Variants in UNC93A observed in about 807,000 individuals in gnomAD.
UNC93A encodes N-acetylglucosamine transporter UNC93A.
UNC93A carries 43 observed loss-of-function variants against 47.5 expected under a neutral mutation model. That is an observed-to-expected ratio of 0.91 (90% CI 0.71 to 1.17). UNC93A has a LOEUF of 1.17. UNC93A is among the 50% of genes most tolerant of loss of function. The pLI, the probability that UNC93A is intolerant of heterozygous loss-of-function variation, is 0.00. For synonymous variants in UNC93A, 280 were observed against 258.0 expected (o/e 1.09, Z -0.82); for missense variants, 605 against 577.6 (o/e 1.05, Z -0.49).
intron 7 of UNC93A, among the ~76,000 whole-genome samples, chr6:167,309,292 A>T (rs951121439): frequency 6.6e-6 from 1 of 152,192 alleles, no homozygotes; most frequent in Admixed American, 6.5e-5. Context: ...GTCACTAGGA[A>T]GAGAAGGAAG....
At chr6:167,311,956 AT>A (rs1293823924) in intron 7 of UNC93A, among the ~76,000 whole-genome samples, 6 of 149,114 alleles carry the variant, frequency 4.0e-5, no homozygotes, top group South Asian at 2.2e-4. Context: ...GACAGCCTTT[AT>A]TTGGGTTCCT....
intron 1 of UNC93A, among the ~76,000 whole-genome samples, chr6:167,285,975 TATATAC>T (rs1433639450): frequency 1.2e-4 from 18 of 149,312 alleles, no homozygotes; most frequent in African/African-American, 4.2e-4. Context: ...TATATATATA[TATATAC>T]ACACACACAC....
upstream of UNC93A, chr6:167,291,291 A>T: frequency 2.1e-6 from 1 of 472,258 alleles, no homozygotes; most frequent in Non-Finnish European, 3.7e-6. Context: ...CGTATGCTTC[A>T]TGGGGTCAGT....
At chr6:167,270,529 C>G (rs1223689427), upstream of UNC93A, among the ~76,000 whole-genome samples, 1 of 152,030 alleles carries the variant, frequency 6.6e-6, no homozygotes, top group East Asian at 1.9e-4. Flanking sequence ...CATGGACAGA[C>G]CTTCGGAGGA....
chr6:167,306,499 A>C (rs1368840350), intron 6 of UNC93A, among the ~76,000 whole-genome samples: 1 of 152,202 alleles, frequency 6.6e-6, no homozygotes, highest in Non-Finnish European at 1.5e-5. Flanking sequence ...CTCCCTAAAC[A>C]CACAGCACCT....
chr6:167,291,186 G>T (rs774896443), upstream of UNC93A: 23 of 230,342 alleles, frequency 1.0e-4, no homozygotes, highest in African/African-American at 3.6e-4. Context: ...GGAAAAAAGC[G>T]CAATTAACTA....
intron 1 of UNC93A, among the ~76,000 whole-genome samples, chr6:167,285,539 G>T (rs1783712092): frequency 6.6e-6 from 1 of 151,774 alleles, no homozygotes; most frequent in Non-Finnish European, 1.5e-5. Context: ...GGGGCTGGCG[G>T]GGATGAGAGT....
rs1310706771 is a variant in UNC93A, at chr6:167,285,975, T to TAC, written c.-51-5463_-51-5462insCA. Among the ~76,000 whole-genome samples the TAC allele has an allele frequency of 3.6e-4, 54 of 149,316 alleles. 2 individuals carry two copies. The South Asian group carries it at 0.01, about 29-fold the overall frequency. On this transcript the variant is annotated intron_variant, in intron 1 of 3. Transcript: ENST00000503433. ...CTCTCTCTCTCTATATATATATATA[T>TAC]ATATACACACACACACACAATGAGC...
At chr6:167,305,828 G>T (rs1288108966) in intron 5 of UNC93A, 87 bp from the exon 6 acceptor site, 1 of 1,586,364 alleles carries the variant, frequency 6.3e-7, no homozygotes, top group African/African-American at 1.3e-5. Flanking sequence ...TCTCAGAGCA[G>T]ATGTTCTAAG....
In UNC93A at chr6:167,280,251, C is replaced by T. The variant is rs372856960; in HGVS notation, c.-52+8793C>T. Among the ~76,000 whole-genome samples the T allele has an allele frequency of 4.1e-4, 62 of 152,256 alleles. No homozygotes were observed. The South Asian group carries it at 9.8e-3, about 24-fold the overall frequency. The stretch of plus-strand genomic sequence containing the variant: ...TGGCTCCTACCCCCTGCAGGCTCCC[C>T]GTGAGCTCAGATGGTGCCTTCAAAT... On this transcript the variant is annotated intron_variant, in intron 1 of 3. Transcript: ENST00000503433.
At chr6:167,297,476 A>G (rs559455703) in intron 3 of UNC93A, among the ~76,000 whole-genome samples, 1 of 152,310 alleles carries the variant, frequency 6.6e-6, no homozygotes, top group African/African-American at 2.4e-5. Flanking sequence ...TTTTTCTAAG[A>G]GATCACAGAA....
At chr6:167,303,552 A>T (rs1317983341) in intron 4 of UNC93A, among the ~76,000 whole-genome samples, 1 of 152,176 alleles carries the variant, frequency 6.6e-6, no homozygotes. Context: ...ATCAATAAAA[A>T]GCTGTCTCCT....
chr6:167,303,141 G>A (rs570113568), intron 4 of UNC93A, among the ~76,000 whole-genome samples: 5 of 152,316 alleles, frequency 3.3e-5, no homozygotes, highest in East Asian at 3.9e-4. Flanking sequence ...GTAAAAGGGT[G>A]TGCGGTGGGG....
Position 167,283,572 on chromosome 6 carries a change from GTACATCTGCAAAACTGATTTC to G in UNC93A, c.-51-7865_-51-7845del, listed in dbSNP as rs1431120108. On this transcript the variant is annotated intron_variant, in intron 1 of 3. Transcript: ENST00000503433. ...GTGGCAGGGAAAGAGGTGGGTGCAG[GTACATCTGCAAAACTGATTTC>G]TGCGCTTGTCCTACCTCTAAAACAT... 2.0e-5 allele frequency among the ~76,000 whole-genome samples: 3 copies of G among 152,048 alleles called. No homozygotes were observed. In the East Asian group the frequency reaches 5.8e-4, roughly 29 times the overall value.
intron 4 of UNC93A, among the ~76,000 whole-genome samples, chr6:167,301,595 A>T (rs747327816): frequency 4.6e-5 from 7 of 152,174 alleles, no homozygotes; most frequent in African/African-American, 1.2e-4. Context: ...CATGCCCCAC[A>T]GAAGGCTCTG....
chr6:167,275,228 C>T (rs1363855459), intron 1 of UNC93A, among the ~76,000 whole-genome samples: 2 of 152,216 alleles, frequency 1.3e-5, no homozygotes, highest in African/African-American at 4.8e-5. Context: ...TCCTGTTGGA[C>T]CAGTTCAGCC....
At chr6:167,296,435 C>G (rs1778090904) in intron 3 of UNC93A, among the ~76,000 whole-genome samples, 174 bp downstream of exon 3, 1 of 152,320 alleles carries the variant, frequency 6.6e-6, no homozygotes, top group South Asian at 2.1e-4. Context: ...TGCCTGTTAC[C>G]TGCTGTCTTC....
chr6:167,290,342 C>T (rs1783819108), upstream of UNC93A, among the ~76,000 whole-genome samples: 3 of 152,058 alleles, frequency 2.0e-5, no homozygotes, highest in Non-Finnish European at 4.4e-5. Flanking sequence ...TATCATTGGC[C>T]CTGATCTTCT....
upstream of UNC93A, among the ~76,000 whole-genome samples, chr6:167,289,631 G>A (rs1583069366): frequency 2.0e-5 from 3 of 152,038 alleles, no homozygotes; most frequent in East Asian, 3.9e-4. Context: ...GCAGCCTCTG[G>A]AAACAGCCCC....
Sources: gnomAD v4.1 joint callset for allele counts (sites outside exome capture counted in the v4.1 genomes callset) on GRCh38, gnomAD v4.1.1 for gene constraint, MANE v1.5 for transcripts, NCBI Gene and HGNC (gene_info 2026-07-23, HGNC 2026-07-21) for gene names.